Variants in MYPN observed in about 807,000 individuals in gnomAD.
MYPN encodes myopalladin, also known as sarcomeric protein myopalladin, 145 kDa (MYOP).
In MYPN, 63 loss-of-function variants were observed where a neutral mutation model predicts 129.4. The ratio of observed to expected loss-of-function variants is 0.49; its 90% CI spans 0.40 to 0.60. The LOEUF (loss-of-function observed/expected upper bound fraction) is 0.60. Among genes scored for constraint, MYPN ranks in the 20% least tolerant of loss-of-function variants. The probability of loss-of-function intolerance (pLI) is 0.00; values close to 1 mark genes in which losing one functional copy is unlikely to be tolerated. For synonymous variants in MYPN, 629 were observed against 600.9 expected (o/e 1.05, Z -0.68); for missense variants, 1,596 against 1,635.4 (o/e 0.98, Z 0.42).
intron 19 of MYPN, among the ~76,000 whole-genome samples, chr10:68,208,422 A>G (rs1189028722): frequency 6.6e-6 from 1 of 152,140 alleles, no homozygotes; most frequent in African/African-American, 2.4e-5. Flanking sequence ...TTGAGAAGAG[A>G]TTAAACTGTG....
At chr10:68,191,359 A>C (rs2043509435) in intron 13 of MYPN, among the ~76,000 whole-genome samples, 1 of 151,974 alleles carries the variant, frequency 6.6e-6, no homozygotes, top group East Asian at 1.9e-4. Flanking sequence ...CTGGGATGAC[A>C]GCTGTGTGCC....
intron 6 of MYPN, among the ~76,000 whole-genome samples, chr10:68,151,555 C>A (rs1328389872): frequency 6.6e-6 from 1 of 152,160 alleles, no homozygotes; most frequent in Non-Finnish European, 1.5e-5. Context: ...TTCTTATTGT[C>A]TCTTATCATC....
At position 68,114,324 on chromosome 10, in the gene MYPN, G is replaced by T. The variant is rs2042122433; in HGVS notation, c.-2+4601G>T. The T allele has an allele frequency of 2.7e-5, 4 of 150,784 alleles. No homozygotes were observed. In the South Asian group the frequency reaches 8.4e-4, roughly 32 times the overall value. 9.3% of individuals were successfully genotyped at this position (150,784 alleles called of 1,614,324 possible). A position where few individuals can be genotyped will look rare whatever the true frequency, so the allele number is the denominator to read the frequency against. ...ATCAGCCTCAAACTTTTGTTTTTAT[G>T]AACCTGACTCTCTTTTTTTTTTCTT... On this transcript the variant is annotated intron_variant, in intron 1 of 19. Transcript: ENST00000358913.
chr10:68,205,831 T>C (rs987610052), intron 18 of MYPN, among the ~76,000 whole-genome samples: 2 of 152,254 alleles, frequency 1.3e-5, no homozygotes, highest in Admixed American at 1.3e-4. Context: ...ATTAATTGAC[T>C]AATCAGAAGG....
rs748438784 is a variant in MYPN, at chr10:68,121,875, C to T, written c.437C>T (p.Ser146Phe). 19 of 1,613,988 alleles carry T rather than the reference C, an allele frequency of 1.2e-5. No homozygotes were observed. The Admixed American group carries it at 3.0e-4, about 25-fold the overall frequency. Residue 146 changes from serine to phenylalanine, a missense_variant, in exon 2 of 20, where the codon TCC becomes TTC. By Grantham distance (155) the Ser-to-Phe change is radical (BLOSUM62 -2). Transcript: ENST00000358913. ...CCACAGTATTGTTCTGAAACCCAGT[C>T]CAAAAAAGTATTTTTAAATAAGGCT... ...KRPQYCSETQ[S>F]KKVFLNKAAD...
At chr10:68,109,774 C>T in intron 1 of MYPN, 51 bp downstream of exon 1, 1 of 427,380 alleles carries the variant, frequency 2.3e-6, no homozygotes, top group South Asian at 1.7e-5. Flanking sequence ...AGGGCACTGA[C>T]AGTGGAAAAG....
chr10:68,101,207 A>G (rs1043270753), upstream of MYPN, among the ~76,000 whole-genome samples: 2 of 152,256 alleles, frequency 1.3e-5, no homozygotes, highest in African/African-American at 4.8e-5. Flanking sequence ...ACCTGGTTGA[A>G]TTCAACAATA....
chr10:68,170,323 T>C (rs910036974), intron 10 of MYPN, among the ~76,000 whole-genome samples: 1 of 152,346 alleles, frequency 6.6e-6, no homozygotes, highest in Non-Finnish European at 1.5e-5. Flanking sequence ...TCTAAAAACA[T>C]AGTTCTCAGC....
intron 2 of MYPN, among the ~76,000 whole-genome samples, chr10:68,134,030 A>G (rs2042449105): frequency 6.6e-6 from 1 of 152,164 alleles, no homozygotes; most frequent in Non-Finnish European, 1.5e-5. Context: ...CTTACCCTAA[A>G]AGAAAGAGTT....
chr10:68,207,614 TG>T (rs11287652), intron 19 of MYPN, among the ~76,000 whole-genome samples: 110,519 of 151,850 alleles, frequency 0.73, 40,556 homozygotes, highest in African/African-American at 0.77. Flanking sequence ...AAATGTGTGT[TG>T]CTCCAATCCC....
intron 3 of MYPN, among the ~76,000 whole-genome samples, chr10:68,143,847 C>T (rs555193505): frequency 2.6e-5 from 4 of 152,118 alleles, no homozygotes; most frequent in Admixed American, 6.6e-5. Context: ...CTCCGCCTCC[C>T]GGGTTCAAGT....
intron 6 of MYPN, chr10:68,158,054 G>A (rs10997960): frequency 0.056 from 9,810 of 175,376 alleles, 334 homozygotes; most frequent in African/African-American, 0.077. Context: ...AGGCTCAGAT[G>A]ATTCTGTCTT....
At chr10:68,209,152 G>A (rs1317830731) in intron 19 of MYPN, among the ~76,000 whole-genome samples, 1 of 152,090 alleles carries the variant, frequency 6.6e-6, no homozygotes, top group African/African-American at 2.4e-5. Flanking sequence ...TCCCCACCTA[G>A]GGAACGCCCT....
At chr10:68,156,599 C>G (rs2042878186) in intron 6 of MYPN, among the ~76,000 whole-genome samples, 1 of 152,182 alleles carries the variant, frequency 6.6e-6, no homozygotes, top group East Asian at 1.9e-4. Context: ...TGCATAACAT[C>G]CCTGAGGTGA....
intron 12 of MYPN, among the ~76,000 whole-genome samples, chr10:68,188,588 C>T (rs1486128411): frequency 6.6e-6 from 1 of 152,092 alleles, no homozygotes; most frequent in Non-Finnish European, 1.5e-5. Flanking sequence ...AGGAAGTTTT[C>T]CATATTGAAA....
At chr10:68,170,003 G>T (rs1316369699) in intron 10 of MYPN, among the ~76,000 whole-genome samples, 2 of 152,176 alleles carry the variant, frequency 1.3e-5, no homozygotes, top group Non-Finnish European at 2.9e-5. Flanking sequence ...CTCCCAAAGT[G>T]CTGGGATTAC....
At chr10:68,150,637 A>G (rs1480567143) in intron 6 of MYPN, among the ~76,000 whole-genome samples, 1 of 152,202 alleles carries the variant, frequency 6.6e-6, no homozygotes, top group African/African-American at 2.4e-5. Context: ...AGTCAAGCAC[A>G]TTCATTTACA....
At chr10:68,130,947 G>A (rs962582621) in intron 2 of MYPN, among the ~76,000 whole-genome samples, 1 of 152,068 alleles carries the variant, frequency 6.6e-6, no homozygotes, top group African/African-American at 2.4e-5. Flanking sequence ...ATAAACGTAT[G>A]GGCTTTCTCT....
intron 18 of MYPN, among the ~76,000 whole-genome samples, chr10:68,203,768 C>T (rs1009195498): frequency 1.8e-4 from 27 of 149,058 alleles, no homozygotes; most frequent in Non-Finnish European, 3.3e-4. Flanking sequence ...CCTCAACTTA[C>T]GATGGACTTA....
Sources: allele counts gnomAD v4.1 joint callset (sites outside exome capture counted in the v4.1 genomes callset), GRCh38; gene constraint gnomAD v4.1.1; transcripts MANE v1.5; gene names NCBI Gene and HGNC (gene_info 2026-07-23, HGNC 2026-07-21).